Variants in NR3C2 observed in about 807,000 individuals in gnomAD.
NR3C2 encodes the protein nuclear receptor subfamily 3 group C member 2, also known as mineralocorticoid receptor.
NR3C2 carries 15 observed loss-of-function variants against 86.4 expected under a neutral mutation model. That is an observed-to-expected ratio of 0.17 (90% CI 0.12 to 0.27). NR3C2 has a LOEUF of 0.27. NR3C2 is among the 10% of genes least tolerant of loss of function. NR3C2 has a pLI of 1.00. For synonymous variants in NR3C2, 458 were observed against 450.5 expected (o/e 1.02, Z -0.21); for missense variants, 960 against 1,195.6 (o/e 0.80, Z 2.91).
At chr4:148,370,512 C>T (rs940934411) in intron 2 of NR3C2, among the ~76,000 whole-genome samples, 3 of 151,946 alleles carry the variant, frequency 2.0e-5, no homozygotes, top group Non-Finnish European at 4.4e-5. Context: ...TTTTCAAATA[C>T]TGTATGTGCG....
intron 2 of NR3C2, among the ~76,000 whole-genome samples, chr4:148,427,925 CA>C (rs977582861): frequency 6.6e-6 from 1 of 152,100 alleles, no homozygotes; most frequent in African/African-American, 2.4e-5. Flanking sequence ...CTTCACAAAA[CA>C]AAAAACAATG....
chr4:148,123,177 T>C (rs1314810505), intron 6 of NR3C2, among the ~76,000 whole-genome samples: 3 of 152,188 alleles, frequency 2.0e-5, no homozygotes, highest in African/African-American at 7.2e-5. Flanking sequence ...AGATACGCCC[T>C]GGTCTCCTGC....
intron 4 of NR3C2, among the ~76,000 whole-genome samples, chr4:148,174,766 T>C (rs62331986): frequency 0.17 from 25,996 of 151,962 alleles, 2,503 homozygotes; most frequent in African/African-American, 0.24. Context: ...GGTCCCTCCT[T>C]CTCCTCCTCG....
intron 2 of NR3C2, among the ~76,000 whole-genome samples, chr4:148,384,169 T>C (rs945091582): frequency 1.3e-5 from 2 of 151,968 alleles, no homozygotes; most frequent in Non-Finnish European, 2.9e-5. Flanking sequence ...AATAAATGAT[T>C]CATATTTTCT....
chr4:148,138,817 TA>T (rs1733473748), intron 6 of NR3C2, among the ~76,000 whole-genome samples: 6 of 152,232 alleles, frequency 3.9e-5, no homozygotes, highest in Admixed American at 3.9e-4. Context: ...TGGAGCCTAA[TA>T]ACCGGTGACT....
intron 2 of NR3C2, among the ~76,000 whole-genome samples, chr4:148,265,170 T>C (rs1240164827): frequency 1.3e-5 from 2 of 152,186 alleles, no homozygotes; most frequent in East Asian, 3.9e-4. Context: ...AAAGACAGTA[T>C]TTCTCTTAGG....
chr4:148,164,449 T>TA (rs1734793629), intron 4 of NR3C2, among the ~76,000 whole-genome samples: 1 of 152,198 alleles, frequency 6.6e-6, no homozygotes, highest in South Asian at 2.1e-4. Context: ...CTTTAGAAAA[T>TA]AGAGTATCTG....
chr4:148,134,717 C>T (rs1349543172), intron 6 of NR3C2, among the ~76,000 whole-genome samples: 5 of 141,484 alleles, frequency 3.5e-5, no homozygotes, highest in East Asian at 2.2e-4. Context: ...GGCACAATCT[C>T]GGCTCACTGC....
chr4:148,187,624 T>G (rs1735990862), intron 4 of NR3C2, among the ~76,000 whole-genome samples: 1 of 152,146 alleles, frequency 6.6e-6, no homozygotes, highest in Non-Finnish European at 1.5e-5. Context: ...TACAGAAGAT[T>G]TTCTCCCACT....
intron 4 of NR3C2, among the ~76,000 whole-genome samples, chr4:148,162,671 C>T (rs1052261855): frequency 3.9e-5 from 6 of 152,240 alleles, no homozygotes; most frequent in African/African-American, 9.6e-5. Flanking sequence ...TGCTGGACTG[C>T]GTCGCATGGG....
At chr4:148,185,684 CAGAAAT>C (rs1206085288) in intron 4 of NR3C2, among the ~76,000 whole-genome samples, 9 of 152,104 alleles carry the variant, frequency 5.9e-5, no homozygotes, top group Non-Finnish European at 1.3e-4. Flanking sequence ...TACATCATTC[CAGAAAT>C]GTTCTATACA....
At chr4:148,135,732 A>G (rs1733271519) in intron 6 of NR3C2, among the ~76,000 whole-genome samples, 1 of 152,088 alleles carries the variant, frequency 6.6e-6, no homozygotes, top group African/African-American at 2.4e-5. Context: ...CTCAAAGAAA[A>G]GAGCACAGAA....
chr4:148,355,954 A>G (rs1317211209), intron 2 of NR3C2, among the ~76,000 whole-genome samples: 2 of 152,124 alleles, frequency 1.3e-5, no homozygotes, highest in Non-Finnish European at 2.9e-5. Context: ...GCTAGCACCC[A>G]CCACATTAGC....
chr4:148,188,990 C>T (rs924259951), intron 4 of NR3C2, among the ~76,000 whole-genome samples: 5 of 148,034 alleles, frequency 3.4e-5, no homozygotes, highest in South Asian at 4.3e-4. Flanking sequence ...TGCAGTGGCG[C>T]GATCTTGGCT....
In NR3C2 at chr4:148,093,585, A is replaced by C. The variant is rs562891254; in HGVS notation, c.2800-12086T>G. 2.0e-5 allele frequency among the ~76,000 whole-genome samples: 3 copies of C among 152,368 alleles called. No homozygotes were observed. The East Asian group carries it at 5.8e-4, about 29-fold the overall frequency. On this transcript the variant is annotated intron_variant, in intron 8 of 8. Transcript: ENST00000358102. ...TGGAAACTTTATTTTCAAAGATCAAAATTTTAGTCAGCGATATGTTGGGGT... is the reference window on the plus strand; with the variant it reads ...TGGAAACTTTATTTTCAAAGATCAACATTTTAGTCAGCGATATGTTGGGGT...
At chr4:148,437,996 T>C (rs1169359980) in intron 1 of NR3C2, among the ~76,000 whole-genome samples, 1 of 152,256 alleles carries the variant, frequency 6.6e-6, no homozygotes, top group Non-Finnish European at 1.5e-5. Context: ...TTCTTGCATA[T>C]ATTAATTCAT....
Position 148,363,504 on chromosome 4 carries a change from C to CTTTTTTTTTTTTTTTTTTTTTTTTTTTT in NR3C2, c.1757+71599_1757+71600insAAAAAAAAAAAAAAAAAAAAAAAAAAAA, listed in dbSNP as rs1375693723. Among the ~76,000 whole-genome samples the CTTTTTTTTTTTTTTTTTTTTTTTTTTTT allele has an allele frequency of 2.3e-3, 163 of 69,716 alleles. 51 individuals are homozygous for CTTTTTTTTTTTTTTTTTTTTTTTTTTTT. Among genetic ancestry groups the CTTTTTTTTTTTTTTTTTTTTTTTTTTTT allele is most frequent in the Middle Eastern group, 0.018 (2 of 110 alleles). 45.7% of individuals were successfully genotyped at this position (69,716 alleles called of 152,430 possible). A position where few individuals can be genotyped will look rare whatever the true frequency, so the allele number is the denominator to read the frequency against. On this transcript the variant is annotated intron_variant, in intron 2 of 8. Coordinates refer to ENST00000358102, the MANE Select transcript of NR3C2 (RefSeq NM_000901.5). Reference sequence around the variant, plus strand: ...ATTAAAGTCTAGACTTCTCATAGATCTCTTTTTTTTTTTTTTTGAGACGGA... The same window carrying CTTTTTTTTTTTTTTTTTTTTTTTTTTTT: ...ATTAAAGTCTAGACTTCTCATAGATCTTTTTTTTTTTTTTTTTTTTTTTTTTTTTCTTTTTTTTTTTTTTTGAGACGGA...
intron 2 of NR3C2, among the ~76,000 whole-genome samples, chr4:148,395,735 A>T (rs1315331947): frequency 6.6e-6 from 1 of 152,210 alleles, no homozygotes; most frequent in Non-Finnish European, 1.5e-5. Context: ...AAGCCAGACA[A>T]GATAACAGCC....
At chr4:148,382,668 G>C (rs1747059171) in intron 2 of NR3C2, among the ~76,000 whole-genome samples, 1 of 151,994 alleles carries the variant, frequency 6.6e-6, no homozygotes, top group African/African-American at 2.4e-5. Context: ...GGCTAGTCTA[G>C]GTATTTTAAT....
Sources: gnomAD v4.1 joint callset for allele counts (sites outside exome capture counted in the v4.1 genomes callset) on GRCh38, gnomAD v4.1.1 for gene constraint, MANE v1.5 for transcripts, NCBI Gene and HGNC (gene_info 2026-07-23, HGNC 2026-07-21) for gene names.